Variants in MOB3B observed in about 807,000 individuals in gnomAD.
The protein encoded by MOB3B is MOB kinase activator-like 2B.
Under a neutral mutation model 18.7 loss-of-function variants are expected in MOB3B, and 7 were observed. That is an observed-to-expected ratio of 0.37 (90% confidence interval 0.21 to 0.70). The LOEUF (loss-of-function observed/expected upper bound fraction) is 0.70, where lower values mean the gene tolerates loss of function less well. Ranked by LOEUF, MOB3B falls within the 30% of genes least tolerant of loss-of-function variation. The pLI is 0.52. For missense variants in MOB3B, 253 were observed against 281.3 expected (o/e 0.90, Z 0.72); for synonymous variants, 111 against 99.9 (o/e 1.11, Z -0.66).
chr9:27,351,182 C>T (rs1017795824), intron 3 of MOB3B, among the ~76,000 whole-genome samples: 3 of 152,136 alleles, frequency 2.0e-5, no homozygotes, highest in Admixed American at 6.5e-5. Flanking sequence ...GGATTACAGG[C>T]GTGAGCCACC....
intron 1 of MOB3B, among the ~76,000 whole-genome samples, chr9:27,493,027 C>A (rs1025809179): frequency 5.3e-5 from 8 of 152,172 alleles, no homozygotes; most frequent in African/African-American, 1.2e-4. Flanking sequence ...ACTTGGCAAG[C>A]AATAGACACA....
chr9:27,366,583 G>A (rs1587158986), intron 2 of MOB3B, among the ~76,000 whole-genome samples: 1 of 152,152 alleles, frequency 6.6e-6, no homozygotes, highest in East Asian at 1.9e-4. Context: ...TTCGGTTGAC[G>A]AAGGTCCAGG....
chr9:27,374,833 A>C (rs1420211030), intron 2 of MOB3B, among the ~76,000 whole-genome samples: 1 of 152,246 alleles, frequency 6.6e-6, no homozygotes, highest in African/African-American at 2.4e-5. Flanking sequence ...CTCCCCATAC[A>C]TGGAAGATGC....
chr9:27,332,850 C>T (rs527590102), intron 3 of MOB3B, among the ~76,000 whole-genome samples: 12 of 152,164 alleles, frequency 7.9e-5, no homozygotes, highest in Non-Finnish European at 1.2e-4. Context: ...TCTATCTGAC[C>T]GCAAAGGCTT....
intron 1 of MOB3B, among the ~76,000 whole-genome samples, chr9:27,494,735 G>A (rs530079260): frequency 3.9e-5 from 6 of 152,064 alleles, no homozygotes; most frequent in Non-Finnish European, 7.4e-5. Flanking sequence ...GGCTGGTCTC[G>A]AACTCCTGAT....
At position 27,328,018 on chromosome 9, in the gene MOB3B, G is replaced by A. The variant is rs1450921630; in HGVS notation, c.*2569C>T. On this transcript the variant is annotated 3_prime_UTR_variant, in exon 4 of 4. Transcript: ENST00000262244. ...AAGGTTGAAGCTCACTTGAGGCAAG[G>A]GGTTCAAGGCCAGCTTGGGTAAAAT... 1 of 151,758 alleles carries A rather than the reference G, an allele frequency of 6.6e-6. No homozygotes were observed. Among genetic ancestry groups the A allele is most frequent in the Non-Finnish European group, 1.5e-5 (1 of 67,966 alleles). 9.4% of individuals were successfully genotyped at this position (151,758 alleles called of 1,614,324 possible).
At chr9:27,442,335 C>T (rs1377236797) in intron 2 of MOB3B, among the ~76,000 whole-genome samples, 1 of 152,190 alleles carries the variant, frequency 6.6e-6, no homozygotes, top group African/African-American at 2.4e-5. Flanking sequence ...CATCCTAATT[C>T]CGTTTTCCTA....
At chr9:27,441,108 C>G (rs958493345) in intron 2 of MOB3B, among the ~76,000 whole-genome samples, 3 of 152,186 alleles carry the variant, frequency 2.0e-5, no homozygotes, top group African/African-American at 7.2e-5. Flanking sequence ...TTCTCCATTA[C>G]TGGCCACTCA....
rs1051288608 is a variant in MOB3B at position 27,330,551 on chromosome 9, A to G, written c.*36T>C. 2 of 1,613,580 alleles carry G rather than the reference A, an allele frequency of 1.2e-6. No homozygotes were observed. Among genetic ancestry groups the G allele is most frequent in the African/African-American group, 1.3e-5 (1 of 75,026 alleles). On this transcript the variant is annotated 3_prime_UTR_variant, in exon 4 of 4. Transcript: ENST00000262244. ...TGCCCGCTCAGGGCACCAGGAGGAAACAGCTTTCCTTTCTTCCAAAGGGTG... is the reference window on the plus strand; with the variant it reads ...TGCCCGCTCAGGGCACCAGGAGGAAGCAGCTTTCCTTTCTTCCAAAGGGTG...
chr9:27,392,428 A>C (rs763550671), intron 2 of MOB3B, among the ~76,000 whole-genome samples: 2 of 152,194 alleles, frequency 1.3e-5, no homozygotes, highest in African/African-American at 2.4e-5. Flanking sequence ...TGGGTTTCAA[A>C]ATCCAGGAAA....
chr9:27,378,897 A>T (rs1821532147), intron 2 of MOB3B, among the ~76,000 whole-genome samples: 1 of 152,258 alleles, frequency 6.6e-6, no homozygotes, highest in African/African-American at 2.4e-5. Flanking sequence ...AACAAGTGCT[A>T]GAGTGGAATT....
chr9:27,472,359 C>T (rs185371541), intron 1 of MOB3B, among the ~76,000 whole-genome samples: 72 of 152,060 alleles, frequency 4.7e-4, no homozygotes, highest in African/African-American at 1.6e-3. Flanking sequence ...TCAAGCAAAG[C>T]CATGGAAAAC....
intron 2 of MOB3B, chr9:27,394,386 A>C (rs1020738399): frequency 6.6e-6 from 1 of 152,162 alleles, no homozygotes; most frequent in Non-Finnish European, 1.5e-5. Flanking sequence ...CTGTAAAAAC[A>C]TTTTCAAAGG....
chr9:27,476,057 A>C (rs1350297890), intron 1 of MOB3B, among the ~76,000 whole-genome samples: 2 of 152,170 alleles, frequency 1.3e-5, no homozygotes, highest in Non-Finnish European at 2.9e-5. Context: ...CAAAGTCATG[A>C]TCTACAGATC....
chr9:27,406,880 G>A (rs1260497686), intron 2 of MOB3B, among the ~76,000 whole-genome samples: 1 of 151,264 alleles, frequency 6.6e-6, no homozygotes, highest in East Asian at 1.9e-4. Context: ...CTCTTGTTGT[G>A]CTGGCTGGAG....
chr9:27,351,194 C>T (rs979354432), intron 3 of MOB3B, among the ~76,000 whole-genome samples: 5 of 152,180 alleles, frequency 3.3e-5, no homozygotes, highest in African/African-American at 4.8e-5. Context: ...TGAGCCACCA[C>T]GCCTGGCCCA....
intron 2 of MOB3B, among the ~76,000 whole-genome samples, chr9:27,363,273 T>G (rs774120969): frequency 6.6e-6 from 1 of 152,098 alleles, no homozygotes; most frequent in African/African-American, 2.4e-5. Context: ...TTTTTTTGTT[T>G]GTTTGTTTTT....
At chr9:27,431,397 A>C (rs1303386451) in intron 2 of MOB3B, among the ~76,000 whole-genome samples, 1 of 152,222 alleles carries the variant, frequency 6.6e-6, no homozygotes, top group African/African-American at 2.4e-5. Context: ...ACAGGGAAGG[A>C]GACAGATGAA....
chr9:27,421,423 G>C (rs1253217746), intron 2 of MOB3B: 1 of 152,320 alleles, frequency 6.6e-6, no homozygotes, highest in East Asian at 1.9e-4. Flanking sequence ...GCAAAGAATT[G>C]AGGCACACAG....
Sources: allele counts gnomAD v4.1 joint callset (sites outside exome capture counted in the v4.1 genomes callset), GRCh38; gene constraint gnomAD v4.1.1; transcripts MANE v1.5; gene names NCBI Gene and HGNC (gene_info 2026-07-23, HGNC 2026-07-21).